Variants in RNF114 observed in about 807,000 individuals in gnomAD.
RNF114 encodes the protein E3 ubiquitin-protein ligase RNF114.
RNF114 carries 6 observed loss-of-function variants against 28.4 expected under a neutral mutation model. The observed-to-expected ratio is 0.21, with a 90% CI of 0.12 to 0.42. The LOEUF (loss-of-function observed/expected upper bound fraction) is 0.42, where lower values mean the gene tolerates loss of function less well. Ranked by LOEUF, RNF114 falls within the 10% of genes least tolerant of loss-of-function variation. The probability of loss-of-function intolerance (pLI) is 1.00; values close to 1 mark genes in which losing one functional copy is unlikely to be tolerated. For synonymous variants in RNF114, 115 were observed against 116.7 expected (o/e 0.99, Z 0.09); for missense variants, 249 against 311.7 (o/e 0.80, Z 1.51).
In RNF114 at chr20:49,936,486, G is replaced by A; in HGVS notation, c.74G>A (p.Gly25Glu). The A allele has an allele frequency of 6.4e-7, 1 of 1,566,212 alleles. No individual in the cohort carries two copies. Among genetic ancestry groups the A allele is most frequent in the South Asian group, 1.2e-5 (1 of 85,506 alleles). ...AGPAAEADPL[G>E]RFTCPVCLEV... The stretch of plus-strand genomic sequence containing the variant: ...CCGGCGGCGGAGGCTGACCCCCTAG[G>A]ACGCTTCACGTGTCCCGTGTGCTTA... The change falls in exon 1 of 6, where the codon GGA (glycine) becomes GAA (glutamate). Residue 25 changes from glycine (G) to glutamate (E), a missense_variant. By Grantham distance (98) the Gly-to-Glu change is moderately conservative (BLOSUM62 -2). Coordinates refer to ENST00000244061, the MANE Select transcript of RNF114 (RefSeq NM_018683.4).
Position 49,941,907 on chromosome 20 carries a change from T to TTA in RNF114, c.291+196_291+197insTA, listed in dbSNP as rs554731627. On this transcript the variant is annotated intron_variant, in intron 2 of 5. Transcript: ENST00000244061. ...GGTTTTTGTTTCTTTTTTTAAGAGT[T>TTA]GGTTAAGTATATATTTTAGGTTTGA... 4.8e-3 allele frequency: 2,530 copies of TTA among 529,208 alleles called. 10 individuals are homozygous for TTA. The highest frequency in any genetic ancestry group is 5.7e-3 in the Non-Finnish European group (1,756 of 307,918). 32.8% of individuals were successfully genotyped at this position (529,208 alleles called of 1,614,324 possible).
intron 4 of RNF114, among the ~76,000 whole-genome samples, chr20:49,948,735 C>T (rs185175633): frequency 1.3e-5 from 2 of 152,312 alleles, no homozygotes; most frequent in African/African-American, 4.8e-5. Context: ...CTGTGCCCGG[C>T]CTGGAGCACT....
chr20:49,943,733 A>C (rs1287321195), intron 2 of RNF114, among the ~76,000 whole-genome samples: 1 of 126,090 alleles, frequency 7.9e-6, no homozygotes, highest in Non-Finnish European at 1.6e-5. Context: ...ATCTCAGCTC[A>C]CTGCAGGCTC....
intron 1 of RNF114, 71 bp downstream of exon 1, chr20:49,936,623 G>C: frequency 1.3e-6 from 2 of 1,525,514 alleles, no homozygotes; most frequent in Non-Finnish European, 1.8e-6. Context: ...GAGCGAGATG[G>C]GTCTCAGGGC....
intron 4 of RNF114, among the ~76,000 whole-genome samples, chr20:49,947,828 G>T (rs372684128): frequency 9.8e-5 from 11 of 112,266 alleles, no homozygotes; most frequent in African/African-American, 3.6e-4. Flanking sequence ...GTTTCGCTCT[G>T]TCGCCCAGGC....
At position 49,941,660 on chromosome 20, in the gene RNF114, C is replaced by G. The variant is rs141103111; in HGVS notation, c.240C>G (p.Leu80=). ...CACCTGGCGTCCGAGCCGTGGAGCT[C>G]GAGCGGCAGATCGAGAGCACAGAGA... is the stretch of plus-strand genomic sequence containing the variant. ...ALAPGVRAVE[L]ERQIESTETS... is the part of the protein sequence containing the mutation. Residue 80 remains leucine, a synonymous_variant, in exon 2 of 6, where the codon CTC becomes CTG. Transcript: ENST00000244061. 6.2e-7 allele frequency: 1 copy of G among 1,612,698 alleles called. No individual in the cohort carries two copies. Among genetic ancestry groups the G allele is most frequent in the Non-Finnish European group, 8.5e-7 (1 of 1,179,602 alleles).
intron 2 of RNF114, chr20:49,942,027 G>A: frequency 3.7e-6 from 1 of 271,432 alleles, no homozygotes; most frequent in Non-Finnish European, 7.0e-6. Flanking sequence ...CTCTTTGGGA[G>A]TCCGAGGCAA....
chr20:49,940,078 A>T (rs1045650653), intron 1 of RNF114, among the ~76,000 whole-genome samples: 1 of 146,094 alleles, frequency 6.8e-6, no homozygotes, highest in African/African-American at 2.5e-5. Flanking sequence ...AAAAAAAAGT[A>T]ACAAAACTTT....
intron 1 of RNF114, among the ~76,000 whole-genome samples, chr20:49,937,201 A>G (rs1331772274): frequency 6.6e-6 from 1 of 152,194 alleles, no homozygotes; most frequent in African/African-American, 2.4e-5. Flanking sequence ...TAAAGCAGAT[A>G]TGTGTATAAA....
intron 1 of RNF114, among the ~76,000 whole-genome samples, chr20:49,937,409 G>A (rs1398527293): frequency 1.3e-5 from 2 of 152,288 alleles, no homozygotes; most frequent in African/African-American, 4.8e-5. Context: ...GATCACCTTG[G>A]CATTGGTCTT....
At chr20:49,945,846 T>C (rs1010520919) in intron 3 of RNF114, among the ~76,000 whole-genome samples, 1 of 152,178 alleles carries the variant, frequency 6.6e-6, no homozygotes, top group Non-Finnish European at 1.5e-5. Context: ...TTGTATTTTT[T>C]AGTAGAGACA....
chr20:49,949,347 A>G lies in RNF114; in HGVS notation c.613A>G (p.Thr205Ala), dbSNP rs2090346937. The change falls in exon 5 of 6, where the codon ACT (threonine) becomes GCT (alanine). Residue 205 changes from threonine to alanine, a missense_variant. Around this residue, in one of 2 missense-constraint regions of RNF114, gnomAD observed 126 missense variants for 205.3 expected, o/e 0.61. Coordinates refer to ENST00000244061, the MANE Select transcript of RNF114 (RefSeq NM_018683.4). ...GCGCCGGCACCGGTTTTCTTATGAC[A>G]CTTTTGTGGTAAGTCTGGAGCCTGG... ...IQRRHRFSYDTFVDYDVDEED... is the reference protein window; with the variant it reads ...IQRRHRFSYDAFVDYDVDEED... 6.2e-7 allele frequency: 1 copy of G among 1,613,516 alleles called. No homozygotes were observed. Among genetic ancestry groups the G allele is most frequent in the Non-Finnish European group, 8.5e-7 (1 of 1,179,860 alleles).
chr20:49,940,166 C>T (rs1371601768), intron 1 of RNF114, among the ~76,000 whole-genome samples: 1 of 151,800 alleles, frequency 6.6e-6, no homozygotes. Flanking sequence ...CTTTTAAACT[C>T]CTGGCTCCCT....
At chr20:49,938,859 A>G (rs917435522) in intron 1 of RNF114, among the ~76,000 whole-genome samples, 6 of 152,318 alleles carry the variant, frequency 3.9e-5, no homozygotes, top group South Asian at 2.1e-4. Flanking sequence ...GTTTGGTTCC[A>G]TTATACTCAC....
intron 2 of RNF114, among the ~76,000 whole-genome samples, chr20:49,942,635 C>T (rs974314853): frequency 1.3e-5 from 2 of 152,232 alleles, no homozygotes; most frequent in East Asian, 3.9e-4. Flanking sequence ...CCAGCCTGGA[C>T]AACATGGTGA....
rs565375331 is a variant in RNF114, at chr20:49,937,122, G to A, written c.140+570G>A. ...TAGCATTCTACTTCCTGTGTAGGAG[G>A]TTTGTTTCTTTCAGTTTTCAATTAA... On this transcript the variant is annotated intron_variant, in intron 1 of 5. Coordinates refer to ENST00000244061, the MANE Select transcript of RNF114 (RefSeq NM_018683.4). 2.0e-5 allele frequency among the ~76,000 whole-genome samples: 3 copies of A among 152,302 alleles called. No homozygotes were observed. In the East Asian group the frequency reaches 5.8e-4, roughly 29 times the overall value.
intron 1 of RNF114, among the ~76,000 whole-genome samples, chr20:49,939,892 TA>T (rs2090300595): frequency 6.6e-6 from 1 of 151,698 alleles, no homozygotes; most frequent in Non-Finnish European, 1.5e-5. Context: ...CCGTCTCTAC[TA>T]AAAATATAAA....
intron 4 of RNF114, among the ~76,000 whole-genome samples, chr20:49,947,810 G>C (rs1453348293): frequency 3.4e-5 from 1 of 29,244 alleles, no homozygotes; most frequent in African/African-American, 1.4e-4. Flanking sequence ...TTTTTTTTTT[G>C]AGGCGGAGTT....
At chr20:49,936,851 G>T (rs781760917) in intron 1 of RNF114, among the ~76,000 whole-genome samples, 13 of 152,190 alleles carry the variant, frequency 8.5e-5, no homozygotes, top group Non-Finnish European at 1.2e-4. Flanking sequence ...GTGGACTCGT[G>T]CCCTGCGGGG....
Sources: gnomAD v4.1 joint callset for allele counts (sites outside exome capture counted in the v4.1 genomes callset) on GRCh38, gnomAD v4.1.1 for gene constraint, gnomAD v4.1.1 regional missense constraint, MANE v1.5 for transcripts, NCBI Gene and HGNC (gene_info 2026-07-23, HGNC 2026-07-21) for gene names.